CTNNA2: variants seen among roughly 807,000 people sequenced by gnomAD.
The protein encoded by CTNNA2 is catenin alpha 2.
A neutral mutation model predicts 101.0 loss-of-function variants in CTNNA2; 42 were observed. That is an observed-to-expected ratio of 0.42 (90% CI 0.32 to 0.54). The LOEUF (loss-of-function observed/expected upper bound fraction) is 0.54, where lower values mean the gene tolerates loss of function less well. Ranked by LOEUF, CTNNA2 falls within the 20% of genes least tolerant of loss-of-function variation. CTNNA2 has a pLI of 0.14. For missense variants in CTNNA2, 871 were observed against 1,223.1 expected (o/e 0.71, Z 4.29); for synonymous variants, 450 against 456.4 (o/e 0.99, Z 0.18).
At chr2:79,721,588 A>G (rs143584130) in intron 2 of CTNNA2, among the ~76,000 whole-genome samples, 3 of 152,350 alleles carry the variant, frequency 2.0e-5, no homozygotes, top group Middle Eastern at 3.4e-3. Context: ...CTTACTGTTT[A>G]TAAATTGCTT....
chr2:79,820,035 A>T (rs114090591), intron 3 of CTNNA2, among the ~76,000 whole-genome samples: 2,092 of 152,256 alleles, frequency 0.014, 55 homozygotes, highest in African/African-American at 0.047. Flanking sequence ...TTTATTTACC[A>T]CTCACATATT....
At chr2:79,916,329 A>G (rs1039516022) in intron 7 of CTNNA2, among the ~76,000 whole-genome samples, 14 of 152,024 alleles carry the variant, frequency 9.2e-5, no homozygotes, top group Admixed American at 2.0e-4. Flanking sequence ...CTAATATTCT[A>G]CATTGGTGCC....
At chr2:80,548,790 G>A (rs1692316122) in intron 11 of CTNNA2, among the ~76,000 whole-genome samples, 2 of 152,146 alleles carry the variant, frequency 1.3e-5, no homozygotes, top group African/African-American at 2.4e-5. Context: ...AATAGCTAGG[G>A]AAACTACTTC....
intron 11 of CTNNA2, among the ~76,000 whole-genome samples, chr2:80,553,966 G>A (rs981714481): frequency 1.1e-4 from 17 of 152,098 alleles, no homozygotes; most frequent in African/African-American, 2.2e-4. Flanking sequence ...TTTAGAAATC[G>A]AAATACTAAA....
intron 1 of CTNNA2, among the ~76,000 whole-genome samples, chr2:79,640,428 G>A (rs904646714): frequency 6.6e-6 from 1 of 152,042 alleles, no homozygotes; most frequent in Non-Finnish European, 1.5e-5. Context: ...ACTTTTTCCT[G>A]AACAAAAATG....
At chr2:80,132,550 C>T (rs1702472437) in intron 7 of CTNNA2, among the ~76,000 whole-genome samples, 1 of 152,124 alleles carries the variant, frequency 6.6e-6, no homozygotes, top group Non-Finnish European at 1.5e-5. Context: ...ATCATTGTTA[C>T]TACCTTTGAA....
intron 7 of CTNNA2, among the ~76,000 whole-genome samples, chr2:80,069,583 C>T (rs1053559725): frequency 6.6e-6 from 1 of 152,060 alleles, no homozygotes; most frequent in Non-Finnish European, 1.5e-5. Context: ...CTTGATACAC[C>T]ATAACTTCAA....
intron 7 of CTNNA2, among the ~76,000 whole-genome samples, chr2:80,080,010 A>G (rs1699038795): frequency 6.6e-6 from 1 of 152,166 alleles, no homozygotes; most frequent in South Asian, 2.1e-4. Flanking sequence ...GATTAAAATA[A>G]TGATTTGAGC....
At chr2:80,052,812 G>C (rs912079939) in intron 7 of CTNNA2, among the ~76,000 whole-genome samples, 1 of 152,108 alleles carries the variant, frequency 6.6e-6, no homozygotes, top group Non-Finnish European at 1.5e-5. Flanking sequence ...TGAGACAAAC[G>C]TCCTTTCATA....
rs531805878 is a variant in CTNNA2 at position 80,238,984 on chromosome 2, G to A, written c.1057-154227G>A. ...ATTGTTATAAAAATGTTAAGAGGGGGCGTAAAATATTTCAGAGCAGGGGAA... is the reference window on the plus strand; with the variant it reads ...ATTGTTATAAAAATGTTAAGAGGGGACGTAAAATATTTCAGAGCAGGGGAA... On this transcript the variant is annotated intron_variant, in intron 7 of 18. Coordinates refer to ENST00000402739, the MANE Select transcript of CTNNA2 (RefSeq NM_001282597.3). Among the ~76,000 whole-genome samples, 3 of 152,254 alleles carry A rather than the reference G, an allele frequency of 2.0e-5. No homozygotes were observed. The East Asian group carries it at 5.8e-4, about 29-fold the overall frequency.
intron 7 of CTNNA2, among the ~76,000 whole-genome samples, chr2:80,312,113 A>G (rs1270578148): frequency 6.6e-6 from 1 of 152,262 alleles, no homozygotes; most frequent in African/African-American, 2.4e-5. Flanking sequence ...AAGAAATAGC[A>G]TTCGAACATA....
chr2:80,585,261 T>C (rs551551957), intron 14 of CTNNA2, among the ~76,000 whole-genome samples: 5 of 152,310 alleles, frequency 3.3e-5, no homozygotes, highest in African/African-American at 1.2e-4. Context: ...AATGGTTGTT[T>C]CCTTTTATCA....
At chr2:80,211,733 GT>G (rs1466291482) in intron 7 of CTNNA2, among the ~76,000 whole-genome samples, 32 of 152,190 alleles carry the variant, frequency 2.1e-4, no homozygotes, top group Non-Finnish European at 3.1e-4. Context: ...CTTTAAAGTA[GT>G]TTTTTTCCAA....
At chr2:79,518,665 C>T (rs973547793) in intron 1 of CTNNA2, among the ~76,000 whole-genome samples, 18 of 152,054 alleles carry the variant, frequency 1.2e-4, no homozygotes, top group African/African-American at 4.1e-4. Context: ...ATTCAGTCTT[C>T]CAAGTTTATC....
At chr2:79,743,552 A>G (rs1244430779) in intron 2 of CTNNA2, among the ~76,000 whole-genome samples, 2 of 138,246 alleles carry the variant, frequency 1.4e-5, no homozygotes, top group East Asian at 2.1e-4. Flanking sequence ...TTTTTTTTTG[A>G]GACGAAGTCT....
At chr2:79,939,350 A>G (rs1165170047) in intron 7 of CTNNA2, among the ~76,000 whole-genome samples, 2 of 152,184 alleles carry the variant, frequency 1.3e-5, no homozygotes, top group Non-Finnish European at 2.9e-5. Context: ...CCGTCTGTCC[A>G]TTACCGCAGT....
In CTNNA2 at chr2:80,555,891, C is replaced by G. The variant is rs749823563; in HGVS notation, c.1739C>G (p.Thr580Arg). 1 of 1,542,254 alleles carries G rather than the reference C, an allele frequency of 6.5e-7. No homozygotes were observed. The highest frequency in any genetic ancestry group is 8.8e-7 in the Non-Finnish European group (1 of 1,142,336). The change falls in exon 12 of 19, where the codon ACA becomes AGA. Residue 580 changes from threonine to arginine, a missense_variant and splice_region_variant. By Grantham distance (71) the Thr-to-Arg change is moderately conservative. Around this residue, in one of 5 missense-constraint regions of CTNNA2, gnomAD observed 647 missense variants for 831.5 expected, o/e 0.78. Transcript: ENST00000402739. ...VLEATKLLSE[T>R]VMPRFAEQVE... ...GAAGCTACAAAATTGCTTTCTGAAA[C>G]AGGTAAGCATGGGTATTGGGTCTGG...
chr2:80,505,893 C>A (rs1290278581), intron 9 of CTNNA2, among the ~76,000 whole-genome samples: 1 of 152,086 alleles, frequency 6.6e-6, no homozygotes, highest in African/African-American at 2.4e-5. Flanking sequence ...AAAGCTGCAG[C>A]TGTTTGATCC....
intron 7 of CTNNA2, among the ~76,000 whole-genome samples, chr2:80,311,311 C>T (rs1183383627): frequency 1.3e-5 from 2 of 152,190 alleles, no homozygotes; most frequent in Admixed American, 6.5e-5. Context: ...TCACACTTTT[C>T]ATCCTCAATA....
Sources: gnomAD v4.1 joint callset for allele counts (sites outside exome capture counted in the v4.1 genomes callset) on GRCh38, gnomAD v4.1.1 for gene constraint, gnomAD v4.1.1 regional missense constraint, MANE v1.5 for transcripts, NCBI Gene and HGNC (gene_info 2026-07-23, HGNC 2026-07-21) for gene names.